The following PIKFYVE variants were observed in gnomAD, a reference collection of about 807,000 sequenced individuals.
The protein encoded by PIKFYVE is phosphoinositide kinase, FYVE-type zinc finger containing, also known as 1-phosphatidylinositol 3-phosphate 5-kinase.
In PIKFYVE, 122 loss-of-function variants were observed where a neutral mutation model predicts 257.9. The observed-to-expected ratio is 0.47, with a 90% CI of 0.41 to 0.55. PIKFYVE has a LOEUF of 0.55. Among genes scored for constraint, PIKFYVE ranks in the 20% least tolerant of loss-of-function variants. The pLI is 0.00. For synonymous variants in PIKFYVE, 892 were observed against 868.9 expected (o/e 1.03, Z -0.47); for missense variants, 2,160 against 2,536.6 (o/e 0.85, Z 3.19).
intron 12 of PIKFYVE, among the ~76,000 whole-genome samples, chr2:208,308,348 C>T (rs1026377392): frequency 4.7e-5 from 7 of 150,176 alleles, no homozygotes; most frequent in African/African-American, 1.5e-4. Context: ...CTGCAGTGAG[C>T]GATGATTTTG....
intron 5 of PIKFYVE, among the ~76,000 whole-genome samples, chr2:208,283,573 CT>C (rs1691119400): frequency 6.6e-6 from 1 of 151,680 alleles, no homozygotes; most frequent in African/African-American, 2.4e-5. Context: ...AGTAATTTCA[CT>C]TCTTTTGTTT....
At chr2:208,348,933 C>T (rs969559986) in intron 35 of PIKFYVE, among the ~76,000 whole-genome samples, 1 of 151,986 alleles carries the variant, frequency 6.6e-6, no homozygotes. Context: ...GAGGCTGAGG[C>T]GGGCGGATCA....
rs1298916950 is a variant in PIKFYVE, at chr2:208,328,264, G to T, written c.3703G>T (p.Ala1235Ser). 6.2e-7 allele frequency: 1 copy of T among 1,613,636 alleles called. No individual in the cohort carries two copies. Among genetic ancestry groups the T allele is most frequent in the Non-Finnish European group, 8.5e-7 (1 of 1,179,848 alleles). Residue 1235 changes from alanine to serine, a missense_variant, in exon 21 of 42, where the codon GCC (alanine) becomes TCC (serine). This residue lies in a region of PIKFYVE where 522 missense variants were observed against 514.6 expected (regional missense o/e 1.01). Transcript: ENST00000264380. ...SSAQSSNAPS[A>S]CVSPWIVTME... ...TGCCCAGTCCAGCAATGCTCCTAGT[G>T]CCTGTGTCAGTCCTTGGTAGGATTC... is the stretch of plus-strand genomic sequence containing the variant.
At chr2:208,294,626 C>T (rs1268860796) in intron 7 of PIKFYVE, among the ~76,000 whole-genome samples, 1 of 152,042 alleles carries the variant, frequency 6.6e-6, no homozygotes, top group East Asian at 1.9e-4. Flanking sequence ...TAAACTTTAT[C>T]AGGGCTTTTC....
intron 26 of PIKFYVE, 34 bp downstream of exon 26, chr2:208,335,935 TAA>T: frequency 6.3e-7 from 1 of 1,582,860 alleles, no homozygotes; most frequent in Non-Finnish European, 8.7e-7. Flanking sequence ...ATTCAAAAGT[TAA>T]TTATTGATTA....
chr2:208,300,904 A>G, intron 8 of PIKFYVE, 33 bp from the exon 9 acceptor site: 1 of 1,613,336 alleles, frequency 6.2e-7, no homozygotes, highest in Non-Finnish European at 8.5e-7. Context: ...CATTTTTCTC[A>G]AGGGTAACTA....
rs10582492 is a variant in PIKFYVE, at chr2:208,343,833, CTT to C, written c.5027+1199_5027+1200del. Among the ~76,000 whole-genome samples, 1,115 of 135,310 alleles carry C rather than the reference CTT, an allele frequency of 8.2e-3. 4 individuals are homozygous for C. The highest frequency in any genetic ancestry group is 0.018 in the African/African-American group (680 of 37,550). The allele number at this position is 135,310 out of a possible 152,430, so 88.8% of individuals were successfully genotyped here. On this transcript the variant is annotated intron_variant, in intron 32 of 41. Coordinates refer to ENST00000264380, the MANE Select transcript of PIKFYVE (RefSeq NM_015040.4). ...TGTCTAAAAGGGCAAAGCTTTTAAA[CTT>C]TTTTTTTTTTTTTTGAGACAGAGTC...
rs1696915336 is a variant in PIKFYVE at position 208,326,321 on chromosome 2, T to C, written c.3510T>C (p.Phe1170=). The change falls in exon 20 of 42, where the codon TTT becomes TTC. Residue 1170 remains phenylalanine, a synonymous_variant. Transcript: ENST00000264380. ...GRIQPKNSDP[F]AHSKDASSTS... is the part of the protein sequence containing the mutation. Reference sequence around the variant, plus strand: ...TTCAGCCCAAAAATTCAGACCCTTTTGCTCATTCAAAGGATGCATCAAGTA... The same window carrying C: ...TTCAGCCCAAAAATTCAGACCCTTTCGCTCATTCAAAGGATGCATCAAGTA... 6.2e-7 allele frequency: 1 copy of C among 1,611,978 alleles called. No individual in the cohort carries two copies. The highest frequency in any genetic ancestry group is 8.5e-7 in the Non-Finnish European group (1 of 1,179,066).
intron 7 of PIKFYVE, among the ~76,000 whole-genome samples, chr2:208,291,794 ACTT>A (rs1339432900): frequency 6.6e-6 from 1 of 151,034 alleles, no homozygotes; most frequent in Non-Finnish European, 1.5e-5. Flanking sequence ...TTCTCTATTG[ACTT>A]CTTCTCTAAT....
At chr2:208,340,932 A>C (rs1156558592) in intron 31 of PIKFYVE, among the ~76,000 whole-genome samples, 1 of 152,118 alleles carries the variant, frequency 6.6e-6, no homozygotes, top group African/African-American at 2.4e-5. Flanking sequence ...ACCTGATTAT[A>C]TCAGTTTCTT....
chr2:208,349,940 G>T, intron 35 of PIKFYVE, 84 bp from the exon 36 acceptor site: 2 of 1,558,350 alleles, frequency 1.3e-6, no homozygotes, highest in Middle Eastern at 1.7e-4. Context: ...AAGTTTTTTT[G>T]TTACATCAAG....
chr2:208,322,481 A>G lies in PIKFYVE; in HGVS notation c.2191-1661A>G, dbSNP rs977579770. ...TTTTTTTTAACCTCTGAACTAGCTA[A>G]TTGGATTCTTGGCTTTTAAATTAAG... On this transcript the variant is annotated intron_variant, in intron 17 of 41. Coordinates refer to ENST00000264380, the MANE Select transcript of PIKFYVE (RefSeq NM_015040.4). Among the ~76,000 whole-genome samples, 3 of 151,062 alleles carry G rather than the reference A, an allele frequency of 2.0e-5. No homozygotes were observed. In the South Asian group the frequency reaches 6.3e-4, roughly 32 times the overall value.
intron 15 of PIKFYVE, among the ~76,000 whole-genome samples, chr2:208,315,580 G>A (rs1695412080): frequency 6.6e-6 from 1 of 152,204 alleles, no homozygotes; most frequent in Admixed American, 6.5e-5. Flanking sequence ...GAAAGGATGA[G>A]TTATATCGGA....
intron 27 of PIKFYVE, 94 bp downstream of exon 27, chr2:208,336,294 T>C: frequency 7.0e-7 from 1 of 1,433,238 alleles, no homozygotes; most frequent in Non-Finnish European, 9.7e-7. Flanking sequence ...TATGGATGTT[T>C]CATTTTGTGC....
At chr2:208,304,822 C>G in intron 11 of PIKFYVE, 24 bp from the exon 12 acceptor site, 8 of 1,607,042 alleles carry the variant, frequency 5.0e-6, no homozygotes, top group Non-Finnish European at 6.0e-6. Flanking sequence ...CCCTATATTT[C>G]TTTCCCCTTC....
chr2:208,305,692 T>C (rs41311599), intron 12 of PIKFYVE: 7,332 of 182,420 alleles, frequency 0.04, 211 homozygotes, highest in Middle Eastern at 0.071. Context: ...ACATAAGAAA[T>C]GCCTGTTTTT....
At chr2:208,308,679 T>G (rs1694625266) in intron 12 of PIKFYVE, among the ~76,000 whole-genome samples, 1 of 150,968 alleles carries the variant, frequency 6.6e-6, no homozygotes, top group African/African-American at 2.4e-5. Flanking sequence ...ATCTGGTGAA[T>G]GTAAGAGCTT....
intron 28 of PIKFYVE, among the ~76,000 whole-genome samples, chr2:208,337,956 C>T (rs1698320867): frequency 6.6e-6 from 1 of 152,186 alleles, no homozygotes. Flanking sequence ...CTCCTGACCT[C>T]AGGTGATCCA....
Position 208,336,116 on chromosome 2 carries a change from C to A in PIKFYVE, c.4436C>A (p.Thr1479Asn). The A allele has an allele frequency of 3.1e-6, 5 of 1,613,972 alleles. No homozygotes were observed. Among genetic ancestry groups the A allele is most frequent in the Non-Finnish European group, 2.5e-6 (3 of 1,179,928 alleles). ...AGGCTCATGTCTTCCTCTGTAGATA[C>A]CCCTCAGCAACTGCAGTCGGTCTTT... The part of the protein sequence containing the change: ...QARLMSSSVD[T>N]PQQLQSVFES... The change falls in exon 27 of 42, where the codon ACC becomes AAC. Residue 1479 changes from threonine to asparagine, a missense_variant. Transcript: ENST00000264380.
Sources: allele counts gnomAD v4.1 joint callset (sites outside exome capture counted in the v4.1 genomes callset), GRCh38; gene constraint gnomAD v4.1.1; regional missense constraint gnomAD v4.1.1; transcripts MANE v1.5; gene names NCBI Gene and HGNC (gene_info 2026-07-23, HGNC 2026-07-21).